Variants in KAZN observed in about 807,000 individuals in gnomAD.
KAZN encodes the protein kazrin.
In KAZN, 40 loss-of-function variants were observed where a neutral mutation model predicts 87.4. The ratio of observed to expected loss-of-function variants is 0.46; its 90% confidence interval spans 0.36 to 0.60. KAZN has a LOEUF of 0.60. Ranked by LOEUF, KAZN falls within the 20% of genes least tolerant of loss-of-function variation. The pLI is 0.00. For synonymous variants in KAZN, 466 were observed against 458.3 expected, an observed-to-expected ratio of 1.02 and a Z score of -0.22; for missense variants, 898 against 1,073.9, an observed-to-expected ratio of 0.84 and a Z score of 2.29.
intron 2 of KAZN, among the ~76,000 whole-genome samples, chr1:14,192,167 C>A (rs1220626307): frequency 6.6e-6 from 1 of 152,104 alleles, no homozygotes; most frequent in African/African-American, 2.4e-5. Flanking sequence ...CAGTGAGGAA[C>A]AAAGGGGAAA....
At chr1:15,031,954 A>C (rs1474512076) in intron 2 of KAZN, among the ~76,000 whole-genome samples, 1 of 151,960 alleles carries the variant, frequency 6.6e-6, no homozygotes, top group Non-Finnish European at 1.5e-5. Flanking sequence ...TGTAATTCAC[A>C]TACCATGCAG....
intron 2 of KAZN, among the ~76,000 whole-genome samples, chr1:14,331,846 T>G (rs1656881056): frequency 1.3e-5 from 2 of 152,258 alleles, no homozygotes; most frequent in African/African-American, 2.4e-5. Flanking sequence ...TGCATTTGTA[T>G]GCACGCTTTA....
chr1:15,006,026 G>A (rs184221895), intron 2 of KAZN, among the ~76,000 whole-genome samples: 1 of 152,266 alleles, frequency 6.6e-6, no homozygotes, highest in African/African-American at 2.4e-5. Flanking sequence ...AGCTGGATCT[G>A]AGCCTTGAAC....
intron 1 of KAZN, among the ~76,000 whole-genome samples, chr1:14,149,317 C>T (rs1645424548): frequency 6.6e-6 from 1 of 151,370 alleles, no homozygotes; most frequent in Non-Finnish European, 1.5e-5. Context: ...TAGCATTAGC[C>T]AGGATGGTCT....
At chr1:15,051,612 C>CCA (rs1479042747) in intron 4 of KAZN, among the ~76,000 whole-genome samples, 4 of 152,224 alleles carry the variant, frequency 2.6e-5, no homozygotes, top group African/African-American at 4.8e-5. Context: ...GAGGGAGGAA[C>CCA]TGTCATTATC....
intron 2 of KAZN, among the ~76,000 whole-genome samples, chr1:14,339,468 T>TA: frequency 6.6e-6 from 1 of 152,214 alleles, no homozygotes; most frequent in East Asian, 1.9e-4. Context: ...CTTATTACTG[T>TA]AAGGAATTGG....
At chr1:14,837,550 A>ATTTTTTTTTT (rs1164233693) in intron 1 of KAZN, among the ~76,000 whole-genome samples, 2 of 117,716 alleles carry the variant, frequency 1.7e-5, no homozygotes, top group African/African-American at 6.5e-5. Context: ...TAGCTGTATA[A>ATTTTTTTTTT]TTTTTTTTTT....
intron 2 of KAZN, among the ~76,000 whole-genome samples, chr1:14,492,920 C>T (rs528581341): frequency 6.1e-4 from 92 of 151,890 alleles, no homozygotes; most frequent in Non-Finnish European, 1.1e-3. Flanking sequence ...ACCACTTGCT[C>T]GCTGCAGCCT....
intron 1 of KAZN, among the ~76,000 whole-genome samples, chr1:14,840,072 C>T (rs1342890986): frequency 6.6e-6 from 1 of 151,942 alleles, no homozygotes; most frequent in East Asian, 1.9e-4. Flanking sequence ...TACCACCTGG[C>T]ACTGCAGAAA....
chr1:14,971,888 T>C (rs1247873058), intron 2 of KAZN, among the ~76,000 whole-genome samples: 1 of 151,832 alleles, frequency 6.6e-6, no homozygotes, highest in Non-Finnish European at 1.5e-5. Flanking sequence ...CAGACAGAAG[T>C]TTTTCTTCCC....
chr1:14,583,649 C>T (rs927867590), intron 2 of KAZN, among the ~76,000 whole-genome samples: 10 of 152,152 alleles, frequency 6.6e-5, no homozygotes, highest in African/African-American at 2.4e-4. Flanking sequence ...GCTCTTGCAG[C>T]AGAGGGTGAT....
chr1:14,183,682 T>C (rs1646246367), intron 2 of KAZN, among the ~76,000 whole-genome samples: 1 of 152,100 alleles, frequency 6.6e-6, no homozygotes, highest in Non-Finnish European at 1.5e-5. Flanking sequence ...GCAAATTAAA[T>C]CTCTCCTTGG....
chr1:14,553,890 T>A (rs568512549), intron 2 of KAZN, among the ~76,000 whole-genome samples: 1 of 152,250 alleles, frequency 6.6e-6, no homozygotes, highest in African/African-American at 2.4e-5. Context: ...CCAGCGTAGG[T>A]TCCGGGCATT....
At chr1:14,797,564 C>G (rs1002167446) in intron 1 of KAZN, among the ~76,000 whole-genome samples, 1 of 152,144 alleles carries the variant, frequency 6.6e-6, no homozygotes, top group Non-Finnish European at 1.5e-5. Flanking sequence ...GCAGAGTTAA[C>G]AATACATCGA....
intron 1 of KAZN, among the ~76,000 whole-genome samples, chr1:14,738,616 G>C (rs1446412655): frequency 1.3e-5 from 2 of 152,126 alleles, no homozygotes; most frequent in African/African-American, 2.4e-5. Flanking sequence ...CTTCTAATGA[G>C]CTTCAGGAGA....
chr1:14,974,471 G>A (rs1665401535), intron 2 of KAZN, among the ~76,000 whole-genome samples: 1 of 152,154 alleles, frequency 6.6e-6, no homozygotes, highest in African/African-American at 2.4e-5. Flanking sequence ...CTCCACTCCT[G>A]AGTGTTTACT....
chr1:14,257,959 TAAAAA>T (rs1168366132), intron 2 of KAZN, among the ~76,000 whole-genome samples: 1 of 28,742 alleles, frequency 3.5e-5, no homozygotes, highest in African/African-American at 1.1e-4. Context: ...AAAAAAACAT[TAAAAA>T]AAAAAAAAGA....
At chr1:14,391,487 A>G (rs1005767) in intron 2 of KAZN, 50,922 of 152,334 alleles carry the variant, frequency 0.33, 9,353 homozygotes, top group East Asian at 0.73. Context: ...ACCTGCTCCC[A>G]CATCTCAGCC....
At chr1:14,537,688 CT>C (rs1672582705) in intron 2 of KAZN, among the ~76,000 whole-genome samples, 1 of 152,160 alleles carries the variant, frequency 6.6e-6, no homozygotes, top group South Asian at 2.1e-4. Flanking sequence ...CTATAAGATG[CT>C]GAAAATGCTT....
Sources: allele counts gnomAD v4.1 joint callset (sites outside exome capture counted in the v4.1 genomes callset), GRCh38; gene constraint gnomAD v4.1.1; transcripts MANE v1.5; gene names NCBI Gene and HGNC (gene_info 2026-07-23, HGNC 2026-07-21).